The following BNC1 variants were observed in gnomAD, a reference collection of about 807,000 sequenced individuals.
The protein encoded by BNC1 is basonuclin zinc finger protein 1.
Under a neutral mutation model 66.5 loss-of-function variants are expected in BNC1, and 8 were observed. The observed-to-expected ratio is 0.12, with a 90% CI of 0.07 to 0.22. The LOEUF (loss-of-function observed/expected upper bound fraction) is 0.22, where lower values mean the gene tolerates loss of function less well. BNC1 is among the 10% of genes least tolerant of loss of function. The probability of loss-of-function intolerance (pLI) is 1.00; values close to 1 mark genes in which losing one functional copy is unlikely to be tolerated. For missense variants in BNC1, 1,069 were observed against 1,241.3 expected, an observed-to-expected ratio of 0.86 and a Z score of 2.09; for synonymous variants, 454 against 452.6, an observed-to-expected ratio of 1.00 and a Z score of -0.04.
chr15:83,265,886 T>G (rs2038212562), intron 3 of BNC1, among the ~76,000 whole-genome samples: 1 of 152,180 alleles, frequency 6.6e-6, no homozygotes, highest in African/African-American at 2.4e-5. Flanking sequence ...GTTTTTAGTG[T>G]TCATTTTAAT....
Position 83,264,536 on chromosome 15 carries a change from T to C in BNC1, c.715A>G (p.Asn239Asp). ...SIHPFENLIS[N>D]MTFMLPFQFF... ...TGGAAAGGCAGCATGAAAGTCATGT[T>C]GCTTATGAGGTTCTCAAAGGGGTGT... The change falls in exon 4 of 5, where the codon AAC (asparagine) becomes GAC (aspartate). Residue 239 changes from asparagine to aspartate, a missense_variant. Transcript: ENST00000345382. The C allele has an allele frequency of 6.2e-7, 1 of 1,614,120 alleles. No homozygotes were observed. Among genetic ancestry groups the C allele is most frequent in the South Asian group, 1.1e-5 (1 of 91,070 alleles).
At chr15:83,279,446 G>T (rs2038357306) in intron 1 of BNC1, among the ~76,000 whole-genome samples, 1 of 152,166 alleles carries the variant, frequency 6.6e-6, no homozygotes, top group African/African-American at 2.4e-5. Context: ...AGTCAAGGTT[G>T]TACAGAGAGG....
At chr15:83,264,864 C>T in intron 3 of BNC1, 49 bp from the exon 4 acceptor site, 1 of 1,550,554 alleles carries the variant, frequency 6.4e-7, no homozygotes, top group Non-Finnish European at 8.7e-7. Context: ...CAACTCCTTA[C>T]CCTTTCCTCT....
chr15:83,272,596 T>C (rs1341071398), intron 1 of BNC1, among the ~76,000 whole-genome samples: 2 of 152,116 alleles, frequency 1.3e-5, no homozygotes, highest in Admixed American at 6.5e-5. Context: ...ATTTTGCTTA[T>C]TTGGAAAATA....
At chr15:83,270,848 T>C (rs897194341) in intron 1 of BNC1, among the ~76,000 whole-genome samples, 1 of 152,214 alleles carries the variant, frequency 6.6e-6, no homozygotes, top group African/African-American at 2.4e-5. Flanking sequence ...TGGTTTCTTT[T>C]TGAGGTGATG....
Position 83,262,253 on chromosome 15 carries a change from A to G in BNC1, c.2300+698T>C, listed in dbSNP as rs1567191129. 2.6e-5 allele frequency among the ~76,000 whole-genome samples: 4 copies of G among 151,782 alleles called. No individual in the cohort carries two copies. In the South Asian group the frequency reaches 8.3e-4, roughly 32 times the overall value. ...TTTTTAGTAGAGACAGGATTTCACC[A>G]TGTTGGCCAGGATGGTCTCGATCTC... On this transcript the variant is annotated intron_variant, in intron 4 of 4. Transcript: ENST00000345382.
At chr15:83,279,655 T>G (rs1437187421) in intron 1 of BNC1, among the ~76,000 whole-genome samples, 1 of 152,228 alleles carries the variant, frequency 6.6e-6, no homozygotes, top group African/African-American at 2.4e-5. Flanking sequence ...GCTGTCCAGA[T>G]GAGCAGCCAG....
chr15:83,280,566 T>C (rs2038367722), intron 1 of BNC1, among the ~76,000 whole-genome samples: 1 of 152,186 alleles, frequency 6.6e-6, no homozygotes, highest in Non-Finnish European at 1.5e-5. Context: ...AAAGAAAAGA[T>C]CAAACTTAGT....
chr15:83,271,980 C>T (rs1014752090), intron 1 of BNC1, among the ~76,000 whole-genome samples: 19 of 152,248 alleles, frequency 1.2e-4, no homozygotes, highest in East Asian at 9.7e-4. Context: ...CTAAAAGGCA[C>T]GATTAACTTA....
rs139769685 is a variant in BNC1, at chr15:83,263,538, C to A, written c.1713G>T (p.Val571=). The A allele has an allele frequency of 6.2e-7, 1 of 1,614,244 alleles. No homozygotes were observed. The highest frequency in any genetic ancestry group is 1.7e-5 in the Admixed American group (1 of 60,036). The part of the protein sequence containing the change: ...LSSDEDMPLQ[V]VSEDEQEACS... ...AGGCCTCCTGCTCATCTTCACTGACCACCTGTAGGGGCATGTCTTCATCTG... is the reference window on the plus strand; with the variant it reads ...AGGCCTCCTGCTCATCTTCACTGACAACCTGTAGGGGCATGTCTTCATCTG... The change falls in exon 4 of 5, where the codon GTG becomes GTT. Residue 571 remains valine (V), a synonymous_variant. Coordinates refer to ENST00000345382, the MANE Select transcript of BNC1 (RefSeq NM_001717.4).
intron 1 of BNC1, among the ~76,000 whole-genome samples, chr15:83,272,097 G>A (rs1256808345): frequency 6.6e-6 from 1 of 152,144 alleles, no homozygotes; most frequent in African/African-American, 2.4e-5. Context: ...AATAGCACCA[G>A]TACACTCAGT....
chr15:83,262,045 G>GT (rs5814139), intron 4 of BNC1, among the ~76,000 whole-genome samples: 3,957 of 110,534 alleles, frequency 0.036, 134 homozygotes, highest in Non-Finnish European at 0.045. Context: ...ACTAGTTCAT[G>GT]TTTTTTTTTT....
rs534065549 is a variant in BNC1, at chr15:83,262,341, G to A, written c.2300+610C>T. 7.2e-5 allele frequency among the ~76,000 whole-genome samples: 11 copies of A among 152,222 alleles called. No individual in the cohort carries two copies. The East Asian group carries it at 1.4e-3, about 19-fold the overall frequency. ...GCTGGGATTACAGGGATGAGCCACCGCGCCTGGCCATAGTTCATGATTTCT... is the reference window on the plus strand; with the variant it reads ...GCTGGGATTACAGGGATGAGCCACCACGCCTGGCCATAGTTCATGATTTCT... On this transcript the variant is annotated intron_variant, in intron 4 of 4. Coordinates refer to ENST00000345382, the MANE Select transcript of BNC1 (RefSeq NM_001717.4).
intron 1 of BNC1, among the ~76,000 whole-genome samples, chr15:83,280,095 GCTTT>G: frequency 6.6e-6 from 1 of 152,224 alleles, no homozygotes; most frequent in South Asian, 2.1e-4. Context: ...TAATGTCTGT[GCTTT>G]TTTTCTTAAA....
chr15:83,284,437 C>A (rs2038421987), intron 1 of BNC1, 93 bp downstream of exon 1: 1 of 837,146 alleles, frequency 1.2e-6, no homozygotes, highest in Non-Finnish European at 1.5e-6. Context: ...AGGTGGCCCT[C>A]GGGTACCCAC....
intron 1 of BNC1, among the ~76,000 whole-genome samples, chr15:83,284,329 C>A (rs2038419925): frequency 2.6e-5 from 4 of 151,850 alleles, no homozygotes; most frequent in Admixed American, 2.0e-4. Flanking sequence ...GTCCCAGAGC[C>A]CCAACCCCCC....
chr15:83,267,923 A>T (rs2038233658), intron 2 of BNC1, among the ~76,000 whole-genome samples: 1 of 152,216 alleles, frequency 6.6e-6, no homozygotes, highest in Admixed American at 6.5e-5. Flanking sequence ...TAGTTTCTAC[A>T]TCTTTAGAAT....
chr15:83,269,824 C>T (rs1166427769), intron 1 of BNC1, among the ~76,000 whole-genome samples: 1 of 152,200 alleles, frequency 6.6e-6, no homozygotes, highest in African/African-American at 2.4e-5. Context: ...AAAACCCCAA[C>T]ATCCATCAAC....
In BNC1 at chr15:83,263,637, C is replaced by A; in HGVS notation, c.1614G>T (p.Arg538Ser). The A allele has an allele frequency of 6.2e-7, 1 of 1,614,206 alleles. No homozygotes were observed. Among genetic ancestry groups the A allele is most frequent in the Non-Finnish European group, 8.5e-7 (1 of 1,180,040 alleles). ...CTATTTTGATAGGCATACTGGACTTCCTGGATTTCTTCTTGGGAAGGGCAT... is the reference window on the plus strand; with the variant it reads ...CTATTTTGATAGGCATACTGGACTTACTGGATTTCTTCTTGGGAAGGGCAT... ...PFDALPKKKS[R>S]KSSMPIKIEK... The change falls in exon 4 of 5, where the codon AGG (arginine) becomes AGT (serine). Residue 538 changes from arginine to serine, a missense_variant. Arg to Ser is a moderately radical substitution (Grantham distance 110). This residue lies in a region of BNC1 where 657 missense variants were observed against 715.8 expected (regional missense o/e 0.92). Coordinates refer to ENST00000345382, the MANE Select transcript of BNC1 (RefSeq NM_001717.4).
Sources: allele counts gnomAD v4.1 joint callset (sites outside exome capture counted in the v4.1 genomes callset), GRCh38; gene constraint gnomAD v4.1.1; regional missense constraint gnomAD v4.1.1; transcripts MANE v1.5; gene names NCBI Gene and HGNC (gene_info 2026-07-23, HGNC 2026-07-21).